Variants in XKR4 observed in about 807,000 individuals in gnomAD.
XKR4 encodes the protein XK related 4.
In XKR4, 12 loss-of-function variants were observed where a neutral mutation model predicts 53.9. The observed-to-expected ratio is 0.22, with a 90% CI of 0.14 to 0.36. The LOEUF (loss-of-function observed/expected upper bound fraction) is 0.36. Ranked by LOEUF, XKR4 falls within the 10% of genes least tolerant of loss-of-function variation. The pLI is 1.00. For synonymous variants in XKR4, 354 were observed against 362.4 expected, an observed-to-expected ratio of 0.98 and a Z score of 0.26; for missense variants, 799 against 859.5, an observed-to-expected ratio of 0.93 and a Z score of 0.88.
intron 2 of XKR4, among the ~76,000 whole-genome samples, chr8:55,472,064 T>A (rs1805893128): frequency 6.6e-6 from 1 of 152,098 alleles, no homozygotes; most frequent in African/African-American, 2.4e-5. Flanking sequence ...AAAAGAGAGA[T>A]GTTCAGAGGG....
At chr8:55,381,544 G>A (rs1425593100) in intron 2 of XKR4, among the ~76,000 whole-genome samples, 3 of 152,156 alleles carry the variant, frequency 2.0e-5, no homozygotes, top group Admixed American at 6.5e-5. Context: ...TTTGATGTCC[G>A]AGGGGAGGAG....
intron 2 of XKR4, among the ~76,000 whole-genome samples, chr8:55,508,411 T>A (rs528745639): frequency 6.6e-6 from 1 of 152,348 alleles, no homozygotes; most frequent in East Asian, 1.9e-4. Flanking sequence ...TCAATTGTGC[T>A]AGGCATTTTC....
chr8:55,121,450 A>C (rs1236990440), intron 1 of XKR4, among the ~76,000 whole-genome samples: 2 of 152,234 alleles, frequency 1.3e-5, no homozygotes, highest in African/African-American at 2.4e-5. Context: ...AACTTGTCCA[A>C]GTTACAGACA....
At chr8:55,129,197 T>C (rs553366011) in intron 1 of XKR4, among the ~76,000 whole-genome samples, 12 of 152,364 alleles carry the variant, frequency 7.9e-5, no homozygotes, top group African/African-American at 2.6e-4. Context: ...GAGGAAAATA[T>C]AGTTTTTTCT....
At chr8:55,178,825 G>A (rs1027200569) in intron 1 of XKR4, among the ~76,000 whole-genome samples, 6 of 152,106 alleles carry the variant, frequency 3.9e-5, no homozygotes, top group African/African-American at 9.7e-5. Context: ...CCGCTTATAC[G>A]TCCTATCTTG....
At chr8:55,216,156 C>T (rs2129364505) in intron 1 of XKR4, among the ~76,000 whole-genome samples, 1 of 152,248 alleles carries the variant, frequency 6.6e-6, no homozygotes, top group Non-Finnish European at 1.5e-5. Flanking sequence ...AATTAAAAAT[C>T]ATGCATTATC....
intron 2 of XKR4, chr8:55,451,690 C>T (rs999689345): frequency 1.4e-6 from 2 of 1,480,078 alleles, no homozygotes; most frequent in Non-Finnish European, 9.3e-7. Context: ...CCCCGGGTAC[C>T]TGCGGTAGAT....
intron 1 of XKR4, among the ~76,000 whole-genome samples, chr8:55,126,553 G>T (rs77958675): frequency 0.032 from 4,926 of 152,302 alleles, 250 homozygotes; most frequent in African/African-American, 0.11. Flanking sequence ...AGGCAAAATT[G>T]TGCTTTGGCA....
intron 2 of XKR4, among the ~76,000 whole-genome samples, chr8:55,414,365 A>G (rs1804815379): frequency 6.6e-6 from 1 of 152,092 alleles, no homozygotes. Flanking sequence ...AATAGCATTG[A>G]GTTTCTGTTC....
At position 55,528,056 on chromosome 8, in the gene XKR4, A is replaced by T. The variant is rs1447103175; in HGVS notation, c.*3829A>T. ...AAAGTAACAGAGATGAAAAGGATAA[A>T]GTATATACTGCTTTTGAATGTATAT... is the stretch of plus-strand genomic sequence containing the variant. On this transcript the variant is annotated 3_prime_UTR_variant, in exon 3 of 3. Coordinates refer to ENST00000327381, the MANE Select transcript of XKR4 (RefSeq NM_052898.2). The T allele has an allele frequency of 6.6e-6, 1 of 152,194 alleles. No individual in the cohort carries two copies. Among genetic ancestry groups the T allele is most frequent in the Non-Finnish European group, 1.5e-5 (1 of 68,038 alleles). 9.4% of individuals were successfully genotyped at this position (152,194 alleles called of 1,614,324 possible).
chr8:55,387,889 T>C (rs1804347692), intron 2 of XKR4, among the ~76,000 whole-genome samples: 1 of 152,136 alleles, frequency 6.6e-6, no homozygotes, highest in Admixed American at 6.5e-5. Flanking sequence ...TCTGTCACAC[T>C]GAGCTGAGAG....
At position 55,192,308 on chromosome 8, in the gene XKR4, A is replaced by G. The variant is rs181986941; in HGVS notation, c.806+89014A>G. The stretch of plus-strand genomic sequence containing the variant: ...CAGAAGTGACTTGGAGCATAAAACT[A>G]CTAAGATAGAAGGGATATTTTCCCC... On this transcript the variant is annotated intron_variant, in intron 1 of 2. Transcript: ENST00000327381. Among the ~76,000 whole-genome samples the G allele has an allele frequency of 5.1e-4, 77 of 151,214 alleles. No homozygotes were observed. In the East Asian group the frequency reaches 0.014, roughly 27 times the overall value.
At chr8:55,223,209 G>A (rs1817906648) in intron 1 of XKR4, among the ~76,000 whole-genome samples, 1 of 152,160 alleles carries the variant, frequency 6.6e-6, no homozygotes, top group Non-Finnish European at 1.5e-5. Context: ...TTAAATTATA[G>A]CCCGGGTCTG....
Position 55,109,715 on chromosome 8 carries a change from A to G in XKR4, c.806+6421A>G, listed in dbSNP as rs1361948082. On this transcript the variant is annotated intron_variant, in intron 1 of 2. Transcript: ENST00000327381. The stretch of plus-strand genomic sequence containing the variant: ...ACTTCACAAGGGTAAATATTTTTAT[A>G]CTTATTACTCCCCAACCGACTAACT... 2.6e-5 allele frequency among the ~76,000 whole-genome samples: 4 copies of G among 152,276 alleles called. No homozygotes were observed. In the South Asian group the frequency reaches 8.3e-4, roughly 32 times the overall value.
At position 55,523,682 on chromosome 8, in the gene XKR4, G is replaced by T. The variant is rs1785546482; in HGVS notation, c.1408G>T (p.Ala470Ser). ...YYFVILLENT[A>S]LSALWYLYKA... ...TTTTGTGATCCTTTTGGAAAATACA[G>T]CCTTGAGTGCCCTCTGGTACCTCTA... is the stretch of plus-strand genomic sequence containing the variant. Residue 470 changes from alanine (A) to serine (S), a missense_variant, in exon 3 of 3, where the codon GCC becomes TCC. Coordinates refer to ENST00000327381, the MANE Select transcript of XKR4 (RefSeq NM_052898.2). 6.2e-7 allele frequency: 1 copy of T among 1,614,034 alleles called. No individual in the cohort carries two copies. The highest frequency in any genetic ancestry group is 1.3e-5 in the African/African-American group (1 of 74,918).
At chr8:55,307,255 A>C (rs1456227057) in intron 1 of XKR4, among the ~76,000 whole-genome samples, 1 of 152,222 alleles carries the variant, frequency 6.6e-6, no homozygotes, top group Non-Finnish European at 1.5e-5. Flanking sequence ...ACAAAGGACT[A>C]GTTCCTAGAA....
At chr8:55,392,553 G>T (rs1804458001) in intron 2 of XKR4, among the ~76,000 whole-genome samples, 1 of 152,224 alleles carries the variant, frequency 6.6e-6, no homozygotes, top group South Asian at 2.1e-4. Context: ...CACTTTGGGA[G>T]GCTGAGGCGG....
At chr8:55,462,419 A>G (rs1038827308) in intron 2 of XKR4, among the ~76,000 whole-genome samples, 1 of 152,208 alleles carries the variant, frequency 6.6e-6, no homozygotes, top group African/African-American at 2.4e-5. Context: ...CAGACAAGCA[A>G]ATGCTGAGAG....
At position 55,164,378 on chromosome 8, in the gene XKR4, C is replaced by G. The variant is rs966670309; in HGVS notation, c.806+61084C>G. 1.8e-5 allele frequency: 8 copies of G among 456,078 alleles called. No individual in the cohort carries two copies. The East Asian group carries it at 4.2e-4, about 24-fold the overall frequency. 28.3% of individuals were successfully genotyped at this position (456,078 alleles called of 1,614,324 possible). A position where few individuals can be genotyped will look rare whatever the true frequency, so the allele number is the denominator to read the frequency against. ...AACTCCTATAAGTTCAGAGGTTCAG[C>G]CTTTAACAAACTCACATTCCTGTTT... On this transcript the variant is annotated intron_variant, in intron 1 of 2. Transcript: ENST00000327381.
Sources: gnomAD v4.1 joint callset for allele counts (sites outside exome capture counted in the v4.1 genomes callset) on GRCh38, gnomAD v4.1.1 for gene constraint, MANE v1.5 for transcripts, NCBI Gene and HGNC (gene_info 2026-07-23, HGNC 2026-07-21) for gene names.